Variants in RABGAP1L observed in about 807,000 individuals in gnomAD.
The protein encoded by RABGAP1L is rab GTPase-activating protein 1-like.
In RABGAP1L, 63 loss-of-function variants were observed where a neutral mutation model predicts 137.7. The observed-to-expected ratio is 0.46, with a 90% CI of 0.37 to 0.56. RABGAP1L has a LOEUF of 0.56. Among genes scored for constraint, RABGAP1L ranks in the 20% least tolerant of loss-of-function variants. The probability of loss-of-function intolerance (pLI) is 0.00; values close to 1 mark genes in which losing one functional copy is unlikely to be tolerated. For synonymous variants in RABGAP1L, 431 were observed against 433.7 expected (o/e 0.99, Z 0.08); for missense variants, 1,095 against 1,244.0 (o/e 0.88, Z 1.80).
chr1:174,563,510 A>C (rs1239518126), intron 13 of RABGAP1L, among the ~76,000 whole-genome samples: 1 of 152,192 alleles, frequency 6.6e-6, no homozygotes, highest in Non-Finnish European at 1.5e-5. Flanking sequence ...AATGAGGATA[A>C]TATTAAAACT....
chr1:174,861,901 T>A (rs962099873), intron 19 of RABGAP1L, among the ~76,000 whole-genome samples: 6 of 152,174 alleles, frequency 3.9e-5, no homozygotes, highest in African/African-American at 1.4e-4. Context: ...ATTTTCTAGG[T>A]TGCATTTCCA....
chr1:174,403,497 TA>T, intron 13 of RABGAP1L, among the ~76,000 whole-genome samples: 1 of 152,254 alleles, frequency 6.6e-6, no homozygotes, highest in South Asian at 2.1e-4. Flanking sequence ...TCATCATTTT[TA>T]AAGCAGGCTT....
intron 19 of RABGAP1L, among the ~76,000 whole-genome samples, chr1:174,889,197 C>T (rs1477628986): frequency 6.6e-6 from 1 of 150,982 alleles, no homozygotes; most frequent in Non-Finnish European, 1.5e-5. Context: ...GATCTCGGCT[C>T]ACTTCAACCT....
intron 18 of RABGAP1L, among the ~76,000 whole-genome samples, chr1:174,782,957 C>A (rs377729694): frequency 6.6e-6 from 1 of 152,192 alleles, no homozygotes; most frequent in Non-Finnish European, 1.5e-5. Context: ...CGGGCAACCC[C>A]CTTTGGGTCC....
chr1:174,768,033 C>T (rs909087751), intron 18 of RABGAP1L, among the ~76,000 whole-genome samples: 3 of 152,282 alleles, frequency 2.0e-5, no homozygotes, highest in African/African-American at 4.8e-5. Context: ...CTGGTCCCTC[C>T]CACAACACAT....
intron 18 of RABGAP1L, among the ~76,000 whole-genome samples, chr1:174,788,620 G>A (rs1687632150): frequency 6.6e-6 from 1 of 152,098 alleles, no homozygotes; most frequent in African/African-American, 2.4e-5. Context: ...AATCTTCGTA[G>A]CATTCCTCAC....
chr1:174,302,851 A>G (rs954357246), intron 10 of RABGAP1L, among the ~76,000 whole-genome samples: 5 of 152,210 alleles, frequency 3.3e-5, no homozygotes, highest in African/African-American at 1.2e-4. Flanking sequence ...GTTAAAAAGC[A>G]TAAAAGGAAA....
chr1:174,615,182 C>T lies in RABGAP1L; in HGVS notation c.1711-22193C>T, dbSNP rs192480636. ...CTTTTTACAGTTTCCAGTTTTTCTG[C>T]TCTGTTTTTTCCCCATCTTTGTGGT... is the stretch of plus-strand genomic sequence containing the variant. On this transcript the variant is annotated intron_variant, in intron 13 of 25. Coordinates refer to ENST00000681986, the MANE Select transcript of RABGAP1L (RefSeq NM_001366446.1). 1.5e-4 allele frequency among the ~76,000 whole-genome samples: 23 copies of T among 152,312 alleles called. No homozygotes were observed. The East Asian group carries it at 3.5e-3, about 23-fold the overall frequency.
intron 17 of RABGAP1L, among the ~76,000 whole-genome samples, chr1:174,709,508 C>T (rs1422702045): frequency 1.3e-5 from 2 of 152,194 alleles, no homozygotes; most frequent in African/African-American, 2.4e-5. Flanking sequence ...GTTTTGAAGC[C>T]TCTGCTGGTG....
chr1:174,188,329 G>A (rs959835576), intron 1 of RABGAP1L, among the ~76,000 whole-genome samples: 1 of 152,176 alleles, frequency 6.6e-6, no homozygotes, highest in African/African-American at 2.4e-5. Context: ...GGTCTTTGAA[G>A]TGTATAAATT....
At position 174,305,724 on chromosome 1, in the gene RABGAP1L, CT is replaced by C. The variant is rs201004866; in HGVS notation, c.1465+605del. Among the ~76,000 whole-genome samples, 77 of 151,146 alleles carry C rather than the reference CT, an allele frequency of 5.1e-4. No homozygotes were observed. The East Asian group carries it at 6.6e-3, about 13-fold the overall frequency. ...TAAATTTTTTAGTTGTAATTATAGC[CT>C]TTTTTTTCTATTTTATTTTTTCTAT... On this transcript the variant is annotated intron_variant, in intron 11 of 25. Coordinates refer to ENST00000681986, the MANE Select transcript of RABGAP1L (RefSeq NM_001366446.1).
At chr1:174,928,728 C>A (rs1378926440) in intron 19 of RABGAP1L, among the ~76,000 whole-genome samples, 1 of 151,708 alleles carries the variant, frequency 6.6e-6, no homozygotes, top group Non-Finnish European at 1.5e-5. Flanking sequence ...TTCTATTTTC[C>A]TCTCTTTGGG....
chr1:174,733,689 A>C (rs1235030777), intron 17 of RABGAP1L, among the ~76,000 whole-genome samples: 2 of 152,248 alleles, frequency 1.3e-5, no homozygotes, highest in African/African-American at 4.8e-5. Flanking sequence ...CAGTCAGTCC[A>C]AATTTCTGAC....
At chr1:174,636,588 A>G (rs578055760) in intron 13 of RABGAP1L, among the ~76,000 whole-genome samples, 62 of 152,038 alleles carry the variant, frequency 4.1e-4, no homozygotes, top group African/African-American at 1.4e-3. Flanking sequence ...GTTTTGTGGA[A>G]TCAGTTTGTT....
intron 13 of RABGAP1L, among the ~76,000 whole-genome samples, chr1:174,524,630 A>C (rs1447600849): frequency 6.6e-6 from 1 of 152,180 alleles, no homozygotes; most frequent in Non-Finnish European, 1.5e-5. Flanking sequence ...TTTGCTGTGC[A>C]GAAGCTTATT....
intron 1 of RABGAP1L, among the ~76,000 whole-genome samples, chr1:174,164,097 AC>A (rs1664725335): frequency 7.1e-6 from 1 of 140,166 alleles, no homozygotes; most frequent in African/African-American, 2.6e-5. Flanking sequence ...TCCTCCTCTT[AC>A]CCCCTACCTG....
rs191966938 is a variant in RABGAP1L, at chr1:174,822,347, A to G, written c.2340+10387A>G. Among the ~76,000 whole-genome samples, 15 of 152,354 alleles carry G rather than the reference A, an allele frequency of 9.8e-5. No individual in the cohort carries two copies. In the East Asian group the frequency reaches 2.3e-3, roughly 24 times the overall value. ...GCCTTTGAGACTTCTATTAACACTC[A>G]TAGTCTTCAGTGCACCTTAGATTGG... On this transcript the variant is annotated intron_variant, in intron 19 of 25. Coordinates refer to ENST00000681986, the MANE Select transcript of RABGAP1L (RefSeq NM_001366446.1).
chr1:174,980,232 TA>T (rs1670976539), intron 23 of RABGAP1L, among the ~76,000 whole-genome samples: 1 of 152,184 alleles, frequency 6.6e-6, no homozygotes, highest in South Asian at 2.1e-4. Context: ...CATCTTTCCA[TA>T]AGGAATCCGC....
chr1:174,946,488 A>G (rs577657377), intron 19 of RABGAP1L, among the ~76,000 whole-genome samples: 3 of 152,254 alleles, frequency 2.0e-5, no homozygotes, highest in Non-Finnish European at 2.9e-5. Context: ...ACAAAAGCCT[A>G]TAGGGTCTGT....
Sources: allele counts gnomAD v4.1 joint callset (sites outside exome capture counted in the v4.1 genomes callset), GRCh38; gene constraint gnomAD v4.1.1; transcripts MANE v1.5; gene names NCBI Gene and HGNC (gene_info 2026-07-23, HGNC 2026-07-21).